The following NECAB1 variants were observed in gnomAD, a reference collection of about 807,000 sequenced individuals.
The protein encoded by NECAB1 is N-terminal EF-hand calcium binding protein 1, also known as N-terminal EF-hand calcium-binding protein 1.
Under a neutral mutation model 57.5 loss-of-function variants are expected in NECAB1, and 29 were observed. The observed-to-expected ratio is 0.50, with a 90% CI of 0.38 to 0.69. The LOEUF is 0.69. Ranked by LOEUF, NECAB1 falls within the 30% of genes least tolerant of loss-of-function variation. NECAB1 has a pLI of 0.00. For missense variants in NECAB1, 372 were observed against 413.8 expected (o/e 0.90, Z 0.88); for synonymous variants, 142 against 147.7 (o/e 0.96, Z 0.28).
chr8:90,946,543 T>C (rs1211041759), intron 10 of NECAB1, among the ~76,000 whole-genome samples: 2 of 152,164 alleles, frequency 1.3e-5, no homozygotes, highest in African/African-American at 2.4e-5. Flanking sequence ...ATATTATAAG[T>C]ACATTTATTA....
intron 3 of NECAB1, among the ~76,000 whole-genome samples, chr8:90,869,032 A>G (rs1302131436): frequency 6.6e-6 from 1 of 152,226 alleles, no homozygotes; most frequent in Non-Finnish European, 1.5e-5. Context: ...CAGCTGCTCC[A>G]GCTCCAGCCA....
intron 10 of NECAB1, among the ~76,000 whole-genome samples, chr8:90,947,475 ACTGCAACCTTCACCTC>A (rs1267817653): frequency 6.8e-6 from 1 of 146,326 alleles, no homozygotes; most frequent in South Asian, 2.1e-4. Context: ...ATCTTGGCTC[ACTGCAACCTTCACCTC>A]CTGGGTTCAA....
chr8:90,797,284 C>A (rs532106658), intron 1 of NECAB1, among the ~76,000 whole-genome samples: 2 of 152,182 alleles, frequency 1.3e-5, no homozygotes, highest in African/African-American at 4.8e-5. Flanking sequence ...CTTCTGCATG[C>A]GAGTCTAGGT....
At chr8:90,908,895 G>A (rs934405931) in intron 5 of NECAB1, among the ~76,000 whole-genome samples, 2 of 152,096 alleles carry the variant, frequency 1.3e-5, no homozygotes, top group African/African-American at 4.8e-5. Flanking sequence ...AGAAACTGTA[G>A]TTAAATTGTA....
intron 5 of NECAB1, among the ~76,000 whole-genome samples, chr8:90,895,927 C>T (rs948939863): frequency 6.6e-6 from 1 of 152,226 alleles, no homozygotes; most frequent in Non-Finnish European, 1.5e-5. Flanking sequence ...AATTAAAGCT[C>T]AACGAGCTGA....
At chr8:90,819,643 G>A (rs1290990103) in intron 2 of NECAB1, among the ~76,000 whole-genome samples, 1 of 151,934 alleles carries the variant, frequency 6.6e-6, no homozygotes, top group East Asian at 1.9e-4. Flanking sequence ...GTGGTAAGGA[G>A]TGGGGAAGCA....
In NECAB1 at chr8:90,934,322, C is replaced by CCAG. The variant is rs1810479563; in HGVS notation, c.713_715dup (p.Pro238_Glu239insAla). ...ATTGAAGGATCTCAAACTCGAACCA[C>CCAG]CAGAAGAAGAAATTATTGAAGGGAA... On this transcript the variant is annotated inframe_insertion, in exon 9 of 13. Coordinates refer to ENST00000417640, the MANE Select transcript of NECAB1 (RefSeq NM_022351.5). The CCAG allele has an allele frequency of 6.6e-7, 1 of 1,515,732 alleles. No homozygotes were observed. Among genetic ancestry groups the CCAG allele is most frequent in the Non-Finnish European group, 8.8e-7 (1 of 1,132,324 alleles). 93.9% of individuals were successfully genotyped at this position (1,515,732 alleles called of 1,614,324 possible).
chr8:90,834,956 A>C (rs947462630), intron 3 of NECAB1, among the ~76,000 whole-genome samples: 4 of 148,470 alleles, frequency 2.7e-5, no homozygotes, highest in Non-Finnish European at 4.4e-5. Flanking sequence ...ATACACATCT[A>C]TATGTCTCAT....
At position 90,791,788 on chromosome 8, in the gene NECAB1, A is replaced by G. The variant is rs577801946; in HGVS notation, c.-99A>G. The G allele has an allele frequency of 4.9e-5, 45 of 924,608 alleles. No homozygotes were observed. The highest frequency in any genetic ancestry group is 7.4e-5 in the Non-Finnish European group (45 of 608,718). 57.3% of individuals were successfully genotyped at this position (924,608 alleles called of 1,614,324 possible). A position where few individuals can be genotyped will look rare whatever the true frequency, so the allele number is the denominator to read the frequency against. On this transcript the variant is annotated 5_prime_UTR_variant, in exon 1 of 13. Transcript: ENST00000417640. The stretch of plus-strand genomic sequence containing the variant: ...GGAGCGAACACCCTCCCGGATCCAG[A>G]GCCCGGCGGCGGCGAAGCAGCAGCT...
chr8:90,959,008 T>G lies in NECAB1; in HGVS notation c.*3496T>G. On this transcript the variant is annotated 3_prime_UTR_variant, in exon 13 of 13. Coordinates refer to ENST00000417640, the MANE Select transcript of NECAB1 (RefSeq NM_022351.5). ...TTAAATTCATCTGTTCTTAAAATGC[T>G]ACTTAAAACTTTGGTTGTTTTCCTG... The G allele has an allele frequency of 7.1e-7, 1 of 1,410,844 alleles. No homozygotes were observed. The highest frequency in any genetic ancestry group is 1.5e-5 in the African/African-American group (1 of 68,486). The allele number at this position is 1,410,844 out of a possible 1,614,324, so 87.4% of individuals were successfully genotyped here. A position where few individuals can be genotyped will look rare whatever the true frequency, so the allele number is the denominator to read the frequency against.
At chr8:90,846,832 G>GA (rs1449543360) in intron 3 of NECAB1, among the ~76,000 whole-genome samples, 1 of 152,066 alleles carries the variant, frequency 6.6e-6, no homozygotes, top group Non-Finnish European at 1.5e-5. Context: ...AACAGCATGG[G>GA]AAAAACCTGC....
At chr8:90,886,468 G>C (rs1176979351) in intron 5 of NECAB1, among the ~76,000 whole-genome samples, 2 of 152,040 alleles carry the variant, frequency 1.3e-5, no homozygotes, top group Admixed American at 6.6e-5. Context: ...CTTAATTCTT[G>C]TATACTTAGA....
rs149652064 is a variant in NECAB1 at position 90,923,798 on chromosome 8, C to A, written c.495-1737C>A. On this transcript the variant is annotated intron_variant, in intron 6 of 12. Transcript: ENST00000417640. ...AAATTATGATTGCAAAAATTACATT[C>A]TCTGAGGAAGGTTGAAATATAAAAG... is the stretch of plus-strand genomic sequence containing the variant. Among the ~76,000 whole-genome samples the A allele has an allele frequency of 1.2e-4, 19 of 152,206 alleles. No homozygotes were observed. The East Asian group carries it at 3.5e-3, about 28-fold the overall frequency.
At chr8:90,880,196 CA>C (rs1210163204) in intron 4 of NECAB1, among the ~76,000 whole-genome samples, 2 of 151,940 alleles carry the variant, frequency 1.3e-5, no homozygotes, top group Non-Finnish European at 2.9e-5. Flanking sequence ...TTTAGTTCCA[CA>C]AATACTGTGG....
At chr8:90,802,240 C>T (rs939948555) in intron 2 of NECAB1, among the ~76,000 whole-genome samples, 2 of 152,198 alleles carry the variant, frequency 1.3e-5, no homozygotes, top group African/African-American at 2.4e-5. Flanking sequence ...TTGTTCCTGG[C>T]CACTGCTTTC....
chr8:90,854,260 C>A (rs1352866352), intron 3 of NECAB1, among the ~76,000 whole-genome samples: 1 of 152,036 alleles, frequency 6.6e-6, no homozygotes, highest in Non-Finnish European at 1.5e-5. Flanking sequence ...TGGTGTTGAT[C>A]TTTTGACTGC....
At chr8:90,881,438 A>G (rs1230478256) in intron 5 of NECAB1, among the ~76,000 whole-genome samples, 1 of 152,200 alleles carries the variant, frequency 6.6e-6, no homozygotes, top group South Asian at 2.1e-4. Context: ...CCCATGTCGA[A>G]TTGTAATCCC....
chr8:90,810,966 G>A (rs1401561292), intron 2 of NECAB1, among the ~76,000 whole-genome samples: 2 of 135,088 alleles, frequency 1.5e-5, no homozygotes, highest in Non-Finnish European at 3.2e-5. Context: ...TCTTTTTTTT[G>A]AGACAGAGTC....
At chr8:90,796,920 G>T (rs572752450) in intron 1 of NECAB1, among the ~76,000 whole-genome samples, 1 of 152,182 alleles carries the variant, frequency 6.6e-6, no homozygotes, top group Non-Finnish European at 1.5e-5. Flanking sequence ...TGTTCTTTAT[G>T]AAATGAAATG....
Sources: allele counts gnomAD v4.1 joint callset (sites outside exome capture counted in the v4.1 genomes callset), GRCh38; gene constraint gnomAD v4.1.1; transcripts MANE v1.5; gene names NCBI Gene and HGNC (gene_info 2026-07-23, HGNC 2026-07-21).